INTS7: variants seen among roughly 807,000 people sequenced by gnomAD.
INTS7 encodes the protein chromosome 1 open reading frame 73.
INTS7 carries 46 observed loss-of-function variants against 109.2 expected under a neutral mutation model. The observed-to-expected ratio is 0.42, with a 90% CI of 0.33 to 0.54. INTS7 has a LOEUF of 0.54. Ranked by LOEUF, INTS7 falls within the 20% of genes least tolerant of loss-of-function variation. The pLI is 0.07. For missense variants in INTS7, 929 were observed against 1,132.4 expected, an observed-to-expected ratio of 0.82 and a Z score of 2.58; for synonymous variants, 412 against 402.9, an observed-to-expected ratio of 1.02 and a Z score of -0.27.
chr1:212,008,135 T>C lies in INTS7; in HGVS notation c.557-686A>G, dbSNP rs370718534. On this transcript the variant is annotated intron_variant, in intron 5 of 19. Transcript: ENST00000366994. ...TGCTGGCTTTTCCATGGTGAAATAATTGTGGGTATGAACGTAAGACAGCAT... is the reference window on the plus strand; with the variant it reads ...TGCTGGCTTTTCCATGGTGAAATAACTGTGGGTATGAACGTAAGACAGCAT... Among the ~76,000 whole-genome samples, 57 of 152,276 alleles carry C rather than the reference T, an allele frequency of 3.7e-4. 1 individual carries two copies. The highest frequency in any genetic ancestry group is 1.2e-3 in the African/African-American group (51 of 41,544).
At chr1:211,958,307 T>C (rs1007780506) in intron 16 of INTS7, among the ~76,000 whole-genome samples, 2 of 152,152 alleles carry the variant, frequency 1.3e-5, no homozygotes, top group South Asian at 2.1e-4. Context: ...CATTTTTTTT[T>C]CCAGGACTTT....
intron 16 of INTS7, among the ~76,000 whole-genome samples, chr1:211,965,685 A>T (rs1232029205): frequency 6.6e-6 from 1 of 152,238 alleles, no homozygotes; most frequent in Non-Finnish European, 1.5e-5. Context: ...TCAGCAAACT[A>T]ACGCAGGAAC....
At chr1:211,969,140 C>G (rs1664044651) in intron 13 of INTS7, among the ~76,000 whole-genome samples, 1 of 152,066 alleles carries the variant, frequency 6.6e-6, no homozygotes, top group African/African-American at 2.4e-5. Flanking sequence ...AAAAAATTAG[C>G]TGGGCGTTGT....
At chr1:212,009,621 C>T (rs553303776) in intron 5 of INTS7, among the ~76,000 whole-genome samples, 4 of 152,170 alleles carry the variant, frequency 2.6e-5, no homozygotes, top group African/African-American at 7.2e-5. Context: ...AAAGCTATTA[C>T]GGGTTCAAGA....
At chr1:212,007,008 T>A (rs1172691755) in intron 6 of INTS7, among the ~76,000 whole-genome samples, 1 of 151,946 alleles carries the variant, frequency 6.6e-6, no homozygotes, top group East Asian at 1.9e-4. Flanking sequence ...TTTTTTTTTT[T>A]ATACGGCCAA....
chr1:211,941,325 A>G lies in INTS7; in HGVS notation c.*499T>C, dbSNP rs1292032614. 2 of 151,402 alleles carry G rather than the reference A, an allele frequency of 1.3e-5. No homozygotes were observed. Among genetic ancestry groups the G allele is most frequent in the African/African-American group, 4.8e-5 (2 of 41,338 alleles). 9.4% of individuals were successfully genotyped at this position (151,402 alleles called of 1,614,324 possible). Reference sequence around the variant, plus strand: ...AACTAATAATAAAACAAGAAAGAACAATCTTTCTGGCCAGGATCCCAGTTA... The same window carrying G: ...AACTAATAATAAAACAAGAAAGAACGATCTTTCTGGCCAGGATCCCAGTTA... On this transcript the variant is annotated 3_prime_UTR_variant, in exon 20 of 20. Transcript: ENST00000366994.
At chr1:211,989,427 T>C (rs1249731369) in intron 7 of INTS7, among the ~76,000 whole-genome samples, 1 of 151,610 alleles carries the variant, frequency 6.6e-6, no homozygotes, top group Non-Finnish European at 1.5e-5. Flanking sequence ...AAAAGTACTA[T>C]GAGGTAACAT....
rs1662609354 is a variant in INTS7, at chr1:211,941,197, G to A, written c.*627C>T. ...ACTCAGAATCCTAGGTCTAAGTCAG[G>A]CAGCAAATGATGTATTTTGGAAGAG... is the stretch of plus-strand genomic sequence containing the variant. On this transcript the variant is annotated 3_prime_UTR_variant, in exon 20 of 20. Transcript: ENST00000366994. The A allele has an allele frequency of 1.3e-5, 2 of 152,360 alleles. No individual in the cohort carries two copies. The highest frequency in any genetic ancestry group is 4.1e-4 in the South Asian group (2 of 4,842). The allele number at this position is 152,360 out of a possible 1,614,324, so 9.4% of individuals were successfully genotyped here.
At chr1:211,963,808 A>C (rs1253760321) in intron 16 of INTS7, among the ~76,000 whole-genome samples, 3 of 152,032 alleles carry the variant, frequency 2.0e-5, no homozygotes, top group Non-Finnish European at 4.4e-5. Flanking sequence ...TAAAAAAAAA[A>C]CTCTGAATAA....
At chr1:212,018,643 TTC>T (rs1482370673) in intron 3 of INTS7, among the ~76,000 whole-genome samples, 2 of 152,156 alleles carry the variant, frequency 1.3e-5, no homozygotes, top group Non-Finnish European at 2.9e-5. Flanking sequence ...CTAGATTTTT[TTC>T]TGAGCCTATA....
At position 211,976,611 on chromosome 1, in the gene INTS7, A is replaced by T; in HGVS notation, c.1579T>A (p.Tyr527Asn). ...CTGGAAGCCTGTCTGGCAATACGGTATACAGTCCATCCATTGGAGACACTT... is the reference window on the plus strand; with the variant it reads ...CTGGAAGCCTGTCTGGCAATACGGTTTACAGTCCATCCATTGGAGACACTT... ...LESVSNGWTV[Y>N]RIARQASRMG... Residue 527 changes from tyrosine (Y) to asparagine (N), a missense_variant, in exon 12 of 20, where the codon TAC (tyrosine) becomes AAC (asparagine). Coordinates refer to ENST00000366994, the MANE Select transcript of INTS7 (RefSeq NM_015434.4). The T allele has an allele frequency of 6.2e-7, 1 of 1,614,052 alleles. No individual in the cohort carries two copies. Among genetic ancestry groups the T allele is most frequent in the Non-Finnish European group, 8.5e-7 (1 of 1,179,918 alleles).
At chr1:211,974,988 T>C (rs1389526700) in intron 13 of INTS7, among the ~76,000 whole-genome samples, 178 bp downstream of exon 13, 1 of 152,154 alleles carries the variant, frequency 6.6e-6, no homozygotes, top group Non-Finnish European at 1.5e-5. Context: ...AACAAGAAAG[T>C]GATAAACTTT....
At position 211,968,720 on chromosome 1, in the gene INTS7, A is replaced by G; in HGVS notation, c.1816-13T>C. 6.3e-7 allele frequency: 1 copy of G among 1,594,504 alleles called. No homozygotes were observed. Among genetic ancestry groups the G allele is most frequent in the Non-Finnish European group, 8.5e-7 (1 of 1,172,548 alleles). On this transcript the variant is annotated splice_polypyrimidine_tract_variant and intron_variant, in intron 13 of 19. Coordinates refer to ENST00000366994, the MANE Select transcript of INTS7 (RefSeq NM_015434.4). ...GTGTACTAGCTGCCTGGGAAAAAAA[A>G]AAAAAAGAGATATTTAAGACAAAGT...
chr1:212,012,512 T>C (rs957476869), intron 4 of INTS7, among the ~76,000 whole-genome samples: 2 of 152,126 alleles, frequency 1.3e-5, no homozygotes, highest in Admixed American at 1.3e-4. Context: ...CCCAGCAATT[T>C]GGGATTGCTG....
intron 17 of INTS7, 25 bp downstream of exon 17, chr1:211,952,544 G>C (rs759385868): frequency 6.2e-7 from 1 of 1,607,160 alleles, no homozygotes; most frequent in Non-Finnish European, 8.5e-7. Flanking sequence ...TACAATAAAA[G>C]CTCAATAAAA....
At chr1:212,033,170 CAG>C (rs1217451428) in intron 1 of INTS7, among the ~76,000 whole-genome samples, 3 of 152,112 alleles carry the variant, frequency 2.0e-5, no homozygotes, top group Non-Finnish European at 4.4e-5. Flanking sequence ...ATTTCAGAAA[CAG>C]TATTCCTTGG....
In INTS7 at chr1:211,952,858, T is replaced by C. The variant is rs367789549; in HGVS notation, c.2184-157A>G. 3.7e-4 allele frequency among the ~76,000 whole-genome samples: 56 copies of C among 152,368 alleles called. 2 individuals are homozygous for C. In the South Asian group the frequency reaches 0.011, roughly 30 times the overall value. On this transcript the variant is annotated intron_variant, in intron 16 of 19. Coordinates refer to ENST00000366994, the MANE Select transcript of INTS7 (RefSeq NM_015434.4). ...AAAATTGAGGCTAGGAGAGGGTAAG[T>C]AGTTTGCCTACAGTCATACAGCTAG...
chr1:211,974,276 A>AAAAAATAT (rs1553249481), intron 13 of INTS7, among the ~76,000 whole-genome samples: 1 of 92,420 alleles, frequency 1.1e-5, no homozygotes, highest in South Asian at 4.2e-4. Flanking sequence ...AGAAAAAAAA[A>AAAAAATAT]ATATATATAT....
intron 1 of INTS7, among the ~76,000 whole-genome samples, chr1:212,028,196 T>C (rs1667012743): frequency 6.6e-6 from 1 of 152,216 alleles, no homozygotes; most frequent in Admixed American, 6.5e-5. Context: ...ACACTGATTA[T>C]ACTGGAGTTA....
Sources: gnomAD v4.1 joint callset for allele counts (sites outside exome capture counted in the v4.1 genomes callset) on GRCh38, gnomAD v4.1.1 for gene constraint, MANE v1.5 for transcripts, NCBI Gene and HGNC (gene_info 2026-07-23, HGNC 2026-07-21) for gene names.